POR: variants seen among roughly 807,000 people sequenced by gnomAD.
The protein encoded by POR is cytochrome p450 oxidoreductase.
In POR, 56 loss-of-function variants were observed where a neutral mutation model predicts 84.0. The ratio of observed to expected loss-of-function variants is 0.67; its 90% CI spans 0.54 to 0.83. The LOEUF (loss-of-function observed/expected upper bound fraction) is 0.83. POR is among the 40% of genes least tolerant of loss of function. The pLI is 0.00. For missense variants in POR, 938 were observed against 944.3 expected, an observed-to-expected ratio of 0.99 and a Z score of 0.09; for synonymous variants, 414 against 400.5, an observed-to-expected ratio of 1.03 and a Z score of -0.40.
Position 75,969,500 on chromosome 7 carries a change from T to C in POR, c.189-2913T>C, listed in dbSNP as rs41296518. Among the ~76,000 whole-genome samples, 1,411 of 152,312 alleles carry C rather than the reference T, an allele frequency of 9.3e-3. 20 individuals carry two copies. The highest frequency in any genetic ancestry group is 0.032 in the African/African-American group (1,329 of 41,572). ...CTCATGCCCTCGGTGCCTGGCGCAG[T>C]GCCTCCCGTGCCCCCACCTGGCTGG... On this transcript the variant is annotated intron_variant, in intron 2 of 15. Transcript: ENST00000461988.
At chr7:75,957,328 A>G (rs1438624904) in intron 2 of POR, among the ~76,000 whole-genome samples, 23 of 152,232 alleles carry the variant, frequency 1.5e-4, no homozygotes, top group African/African-American at 5.5e-4. Flanking sequence ...TAGGAAGGGC[A>G]GATCAGCTGG....
intron 1 of POR, among the ~76,000 whole-genome samples, chr7:75,940,928 A>G (rs1201805750): frequency 1.3e-5 from 2 of 152,220 alleles, no homozygotes; most frequent in African/African-American, 2.4e-5. Flanking sequence ...TGGGAGGCCA[A>G]GGTGCGAGGA....
chr7:75,965,223 G>A (rs1236844535), intron 2 of POR, among the ~76,000 whole-genome samples: 5 of 152,180 alleles, frequency 3.3e-5, no homozygotes, highest in Non-Finnish European at 5.9e-5. Context: ...GACCAGGGCC[G>A]CTCGGCACAG....
At chr7:75,982,019 C>A in intron 7 of POR, 1 of 590,082 alleles carries the variant, frequency 1.7e-6, no homozygotes, top group Non-Finnish European at 3.1e-6. Context: ...GGGCGTCTGG[C>A]CCCCGGCAGC....
At position 75,986,014 on chromosome 7, in the gene POR, G is replaced by A. The variant is rs548104555; in HGVS notation, c.1761G>A (p.Arg587=). ...GGGAGGAGCTGGCGCAGTTCCACAGGGACGGTGCGCTCACCCAGCTCAACG... is the reference window on the plus strand; with the variant it reads ...GGGAGGAGCTGGCGCAGTTCCACAGAGACGGTGCGCTCACCCAGCTCAACG... Residue 587 remains arginine, a synonymous_variant, in exon 14 of 16, where the codon AGG becomes AGA. Transcript: ENST00000461988. The A allele has an allele frequency of 1.5e-5, 24 of 1,565,580 alleles. 1 individual carries two copies. The South Asian group carries it at 2.8e-4, about 18-fold the overall frequency.
intron 1 of POR, among the ~76,000 whole-genome samples, chr7:75,939,788 A>G (rs1339155456): frequency 1.3e-5 from 2 of 151,912 alleles, no homozygotes; most frequent in African/African-American, 2.4e-5. Context: ...TTGTATTTTT[A>G]GTAGAGACTG....
At position 75,985,078 on chromosome 7, in the gene POR, G is replaced by A. The variant is rs1554558884; in HGVS notation, c.1269G>A (p.Val423=). The A allele has an allele frequency of 6.3e-7, 1 of 1,599,152 alleles. No individual in the cohort carries two copies. Among genetic ancestry groups the A allele is most frequent in the Non-Finnish European group, 8.5e-7 (1 of 1,178,898 alleles). Reference sequence around the variant, plus strand: ...CTTAGGAGCTGTACCTGAGCTGGGTGGTGGAGGCCCGGAGGCACATCCTGG... The same window carrying A: ...CTTAGGAGCTGTACCTGAGCTGGGTAGTGGAGGCCCGGAGGCACATCCTGG... The change falls in exon 12 of 16, where the codon GTG becomes GTA. Residue 423 remains valine, a synonymous_variant. Coordinates refer to ENST00000461988, the MANE Select transcript of POR (RefSeq NM_000941.3).
intron 3 of POR, among the ~76,000 whole-genome samples, chr7:75,974,524 CTTTTTTTTTT>C (rs1238804117): frequency 3.7e-5 from 4 of 107,914 alleles, no homozygotes; most frequent in Non-Finnish European, 5.4e-5. Context: ...TTTTTCTTTT[CTTTTTTTTTT>C]TTTTTTTTTT....
chr7:75,960,236 C>T (rs1183878724), intron 2 of POR, among the ~76,000 whole-genome samples: 3 of 151,826 alleles, frequency 2.0e-5, no homozygotes, highest in East Asian at 1.9e-4. Flanking sequence ...GGCTGCCGAG[C>T]GCCGAGCTCA....
At chr7:75,924,831 T>G (rs1389920888) in intron 1 of POR, among the ~76,000 whole-genome samples, 1 of 152,216 alleles carries the variant, frequency 6.6e-6, no homozygotes, top group Admixed American at 6.6e-5. Flanking sequence ...TTATGTCTCA[T>G]GTAACCAACG....
intron 1 of POR, 54 bp from the exon 2 acceptor site, chr7:75,953,932 GCCT>G: frequency 7.1e-7 from 1 of 1,407,732 alleles, no homozygotes; most frequent in Non-Finnish European, 9.6e-7. Flanking sequence ...ACCCCAGCCA[GCCT>G]CAGGGGCACC....
chr7:75,985,745 G>A lies in POR; in HGVS notation c.1565G>A (p.Arg522His), dbSNP rs1303640491. Residue 522 changes from arginine to histidine, a missense_variant, in exon 13 of 16, where the codon CGC (arginine) becomes CAC (histidine). Physicochemically the swap from Arg to His is conservative, Grantham distance 29 (BLOSUM62 0). Transcript: ENST00000461988. The stretch of plus-strand genomic sequence containing the variant: ...ATGTTCGTGCGCAAGTCCCAGTTCC[G>A]CCTGCCCTTCAAGGCCACCACGCCT... 3.2e-5 allele frequency: 51 copies of A among 1,584,550 alleles called. No individual in the cohort carries two copies. The highest frequency in any genetic ancestry group is 6.7e-5 in the African/African-American group (5 of 74,352).
At chr7:75,971,576 C>A (rs1186857694) in intron 2 of POR, among the ~76,000 whole-genome samples, 1 of 152,050 alleles carries the variant, frequency 6.6e-6, no homozygotes, top group African/African-American at 2.4e-5. Flanking sequence ...CCAGCCTGAT[C>A]CTGAGGCTGG....
chr7:75,981,057 C>A lies in POR; in HGVS notation c.526C>A (p.Leu176Ile). ...CCCTGTGTCCACGCAGGTGTTTGGTCTTGGGAACAAGACCTACGAGCACTT... is the reference window on the plus strand; with the variant it reads ...CCCTGTGTCCACGCAGGTGTTTGGTATTGGGAACAAGACCTACGAGCACTT... Residue 176 changes from leucine (L) to isoleucine (I), a missense_variant, in exon 6 of 16, where the codon CTT becomes ATT. Leu to Ile is a conservative substitution (Grantham distance 5). Coordinates refer to ENST00000461988, the MANE Select transcript of POR (RefSeq NM_000941.3). 1 of 1,574,980 alleles carries A rather than the reference C, an allele frequency of 6.3e-7. No individual in the cohort carries two copies. Among genetic ancestry groups the A allele is most frequent in the South Asian group, 1.2e-5 (1 of 85,798 alleles).
intron 3 of POR, among the ~76,000 whole-genome samples, chr7:75,975,182 G>A (rs1585123206): frequency 6.6e-6 from 1 of 151,890 alleles, no homozygotes; most frequent in Non-Finnish European, 1.5e-5. Context: ...TACTTTTAGG[G>A]TTTTGTTTTT....
At chr7:75,950,005 G>A (rs782785990) in intron 1 of POR, among the ~76,000 whole-genome samples, 11 of 151,962 alleles carry the variant, frequency 7.2e-5, no homozygotes, top group Non-Finnish European at 1.3e-4. Flanking sequence ...TGGGACTACA[G>A]GTGCCTGCCA....
rs1554557935 is a variant in POR, at chr7:75,981,520, G to A, written c.645G>A (p.Leu215=). The change falls in exon 7 of 16, where the codon TTG becomes TTA. Residue 215 remains leucine (L), a synonymous_variant. Coordinates refer to ENST00000461988, the MANE Select transcript of POR (RefSeq NM_000941.3). The stretch of plus-strand genomic sequence containing the variant: ...CCCTCTCCTCTCCTCGGCCCAGCTT[G>A]GAGGAGGACTTCATCACCTGGCGAG... 5 of 1,612,052 alleles carry A rather than the reference G, an allele frequency of 3.1e-6. No individual in the cohort carries two copies. Among genetic ancestry groups the A allele is most frequent in the Non-Finnish European group, 3.4e-6 (4 of 1,179,364 alleles).
chr7:75,956,472 G>A (rs1346805878), intron 2 of POR, among the ~76,000 whole-genome samples: 3 of 152,338 alleles, frequency 2.0e-5, no homozygotes, highest in African/African-American at 7.2e-5. Context: ...CTAGTGGTGA[G>A]TGAACCCTGG....
At chr7:75,931,711 C>T (rs1252141278) in intron 1 of POR, among the ~76,000 whole-genome samples, 2 of 152,078 alleles carry the variant, frequency 1.3e-5, no homozygotes, top group Non-Finnish European at 2.9e-5. Context: ...CCCTTCTGGC[C>T]TTGGTGTGTG....
Sources: gnomAD v4.1 joint callset for allele counts (sites outside exome capture counted in the v4.1 genomes callset) on GRCh38, gnomAD v4.1.1 for gene constraint, MANE v1.5 for transcripts, NCBI Gene and HGNC (gene_info 2026-07-23, HGNC 2026-07-21) for gene names.